The following MBNL2 variants were observed in gnomAD, a reference collection of about 807,000 sequenced individuals.
The protein encoded by MBNL2 is muscleblind like splicing regulator 2, also known as muscleblind-like protein 2.
A neutral mutation model predicts 41.9 loss-of-function variants in MBNL2; 17 were observed. The observed-to-expected ratio is 0.41, with a 90% confidence interval of 0.28 to 0.61. MBNL2 has a LOEUF of 0.61. Among genes scored for constraint, MBNL2 ranks in the 20% least tolerant of loss-of-function variants. MBNL2 has a pLI of 0.35. For synonymous variants in MBNL2, 195 were observed against 182.9 expected (o/e 1.07, Z -0.53); for missense variants, 336 against 505.6 (o/e 0.66, Z 3.22).
At chr13:97,272,087 A>G (rs565733554) in intron 1 of MBNL2, among the ~76,000 whole-genome samples, 120 of 152,116 alleles carry the variant, frequency 7.9e-4, no homozygotes, top group East Asian at 1.4e-3. Context: ...GCCAGCATCT[A>G]TTGTTTCCTG....
At chr13:97,331,632 T>A (rs1047676394) in intron 2 of MBNL2, among the ~76,000 whole-genome samples, 1 of 152,224 alleles carries the variant, frequency 6.6e-6, no homozygotes. Context: ...CAGTTATATA[T>A]GGCCTTGGGA....
At chr13:97,262,954 T>G (rs928265613) in intron 1 of MBNL2, among the ~76,000 whole-genome samples, 6 of 152,026 alleles carry the variant, frequency 3.9e-5, no homozygotes, top group Admixed American at 3.9e-4. Flanking sequence ...TAAAATTTAT[T>G]TTATTTTATT....
chr13:97,287,938 TG>T (rs1273403466), intron 2 of MBNL2, among the ~76,000 whole-genome samples: 26 of 80,820 alleles, frequency 3.2e-4, no homozygotes, highest in African/African-American at 9.8e-4. Context: ...TGTTTTGTTT[TG>T]TTTTTTTTTT....
chr13:97,206,657 TAGTG>T, the MBNL2 span, among the ~76,000 whole-genome samples: 7 of 152,124 alleles, frequency 4.6e-5, no homozygotes, highest in African/African-American at 1.7e-4. Context: ...CACATGCTAA[TAGTG>T]AGAGAGATAG....
upstream of MBNL2, among the ~76,000 whole-genome samples, chr13:97,218,978 A>G (rs184228827): frequency 2.2e-4 from 34 of 152,068 alleles, no homozygotes; most frequent in Non-Finnish European, 4.0e-4. Context: ...AATAACAATA[A>G]CCAAATTAAT....
upstream of MBNL2, among the ~76,000 whole-genome samples, chr13:97,216,831 C>T (rs372265004): frequency 2.0e-5 from 3 of 151,834 alleles, no homozygotes; most frequent in East Asian, 5.8e-4. Context: ...ACTTTAAATT[C>T]GTGCATGTGT....
the MBNL2 span, among the ~76,000 whole-genome samples, chr13:97,161,082 T>A: frequency 6.6e-6 from 1 of 152,234 alleles, no homozygotes. Context: ...TGAGACATAC[T>A]GAAGCCCTTT....
intron 1 of MBNL2, among the ~76,000 whole-genome samples, chr13:97,224,196 G>A (rs2041240108): frequency 1.3e-5 from 2 of 152,218 alleles, no homozygotes; most frequent in African/African-American, 4.8e-5. Flanking sequence ...CACCTGGGTG[G>A]ATGGTCCCCG....
chr13:97,379,727 T>G, intron 8 of MBNL2, among the ~76,000 whole-genome samples: 1 of 151,590 alleles, frequency 6.6e-6, no homozygotes, highest in African/African-American at 2.4e-5. Flanking sequence ...GAGAAAGGGA[T>G]TCAGGATTGG....
chr13:97,194,108 C>A, the MBNL2 span, among the ~76,000 whole-genome samples: 5 of 152,204 alleles, frequency 3.3e-5, no homozygotes, highest in Admixed American at 1.3e-4. Flanking sequence ...TCTGAACATA[C>A]CACTCAAAGT....
rs561724584 is a variant in MBNL2, at chr13:97,337,437, C to T, written c.339+2997C>T. ...CTCCTTTGTTAAACACTCCTTCCTC[C>T]GTCTCCTTTGCCCACCATTTTCCTC... On this transcript the variant is annotated intron_variant, in intron 3 of 8. Coordinates refer to ENST00000679496, the MANE Select transcript of MBNL2 (RefSeq NM_001382683.1). Among the ~76,000 whole-genome samples the T allele has an allele frequency of 1.4e-4, 21 of 152,300 alleles. 1 individual carries two copies. The East Asian group carries it at 3.7e-3, about 27-fold the overall frequency.
At chr13:97,233,126 CAT>C (rs376967986) in intron 1 of MBNL2, among the ~76,000 whole-genome samples, 1,762 of 39,080 alleles carry the variant, frequency 0.045, 33 homozygotes, top group Non-Finnish European at 0.061. Flanking sequence ...GGCTCTTTTT[CAT>C]ATATATATAT....
chr13:97,279,454 C>T (rs573506990), intron 2 of MBNL2, among the ~76,000 whole-genome samples: 2 of 152,308 alleles, frequency 1.3e-5, no homozygotes, highest in East Asian at 3.9e-4. Flanking sequence ...TCTTTCCCTT[C>T]ATAATAAAGT....
the MBNL2 span, among the ~76,000 whole-genome samples, chr13:97,154,636 G>C: frequency 6.6e-6 from 1 of 152,174 alleles, no homozygotes; most frequent in Non-Finnish European, 1.5e-5. Flanking sequence ...AGCAACAGGA[G>C]TACAAAAGAG....
chr13:97,348,322 A>T (rs147288010), intron 5 of MBNL2, among the ~76,000 whole-genome samples: 106 of 151,928 alleles, frequency 7.0e-4, no homozygotes, highest in Middle Eastern at 3.4e-3. Context: ...TTACCTCCCA[A>T]TGTGTTGGGA....
intron 7 of MBNL2, among the ~76,000 whole-genome samples, chr13:97,362,541 CAAAGA>C (rs1016393860): frequency 5.9e-5 from 9 of 151,944 alleles, no homozygotes; most frequent in African/African-American, 2.2e-4. Context: ...GTGTTCAGTT[CAAAGA>C]AAAGAAAAAT....
At chr13:97,281,315 C>A (rs2053375301) in intron 2 of MBNL2, among the ~76,000 whole-genome samples, 2 of 152,176 alleles carry the variant, frequency 1.3e-5, no homozygotes, top group Non-Finnish European at 2.9e-5. Flanking sequence ...TGTGCTATTG[C>A]CCTGGTGTCA....
intron 2 of MBNL2, among the ~76,000 whole-genome samples, chr13:97,327,748 G>A (rs2153051811): frequency 6.6e-6 from 1 of 152,180 alleles, no homozygotes; most frequent in South Asian, 2.1e-4. Context: ...GCTGTTTGAA[G>A]AGATAAATGA....
At chr13:97,322,463 A>G (rs1006871654) in intron 2 of MBNL2, among the ~76,000 whole-genome samples, 1 of 152,218 alleles carries the variant, frequency 6.6e-6, no homozygotes, top group South Asian at 2.1e-4. Context: ...ATGGGGTTAC[A>G]TCAGAAAAAC....
Sources: gnomAD v4.1 joint callset for allele counts (sites outside exome capture counted in the v4.1 genomes callset) on GRCh38, gnomAD v4.1.1 for gene constraint, MANE v1.5 for transcripts, NCBI Gene and HGNC (gene_info 2026-07-23, HGNC 2026-07-21) for gene names.